ZPLD1: variants seen among roughly 807,000 people sequenced by gnomAD.
The protein encoded by ZPLD1 is zona pellucida-like domain-containing protein 1.
ZPLD1 carries 34 observed loss-of-function variants against 47.2 expected under a neutral mutation model. That is an observed-to-expected ratio of 0.72 (90% CI 0.55 to 0.96). ZPLD1 has a LOEUF of 0.96. Ranked by LOEUF, ZPLD1 falls within the 40% of genes least tolerant of loss-of-function variation. The pLI, the probability that ZPLD1 is intolerant of heterozygous loss-of-function variation, is 0.00. For missense variants in ZPLD1, 512 were observed against 505.8 expected (o/e 1.01, Z -0.12); for synonymous variants, 176 against 186.2 (o/e 0.95, Z 0.45).
chr3:102,467,289 G>C (rs2107351523), intron 8 of ZPLD1, among the ~76,000 whole-genome samples: 1 of 152,040 alleles, frequency 6.6e-6, no homozygotes, highest in East Asian at 1.9e-4. Context: ...AGAAAAAGTT[G>C]GTTCCTTGAA....
intron 10 of ZPLD1, among the ~76,000 whole-genome samples, chr3:102,476,546 G>A (rs1296807801): frequency 2.6e-5 from 4 of 152,012 alleles, no homozygotes; most frequent in Non-Finnish European, 4.4e-5. Context: ...TGCAGATTAC[G>A]TTGGGCAAAT....
chr3:102,463,846 TGGTTAACCC>T lies in ZPLD1; in HGVS notation c.681-321_681-313del. ...CGAGGTCAAGAGATTGAGACCATCC[TGGTTAACCC>T]GGTGAAACCCCGTCTCTATTAAAAA... On this transcript the variant is annotated intron_variant, in intron 7 of 11. Transcript: ENST00000466937. 2.1e-5 allele frequency among the ~76,000 whole-genome samples: 3 copies of T among 145,506 alleles called. No homozygotes were observed. The Admixed American group carries it at 2.1e-4, about 10-fold the overall frequency.
intron 3 of ZPLD1, among the ~76,000 whole-genome samples, chr3:102,448,827 TAAG>T (rs1707295858): frequency 6.6e-6 from 1 of 152,218 alleles, no homozygotes; most frequent in African/African-American, 2.4e-5. Flanking sequence ...TGGTTTATGT[TAAG>T]AAGAATGATA....
intron 7 of ZPLD1, among the ~76,000 whole-genome samples, chr3:102,415,119 G>A (rs1044745937): frequency 6.6e-6 from 1 of 151,676 alleles, no homozygotes; most frequent in Non-Finnish European, 1.5e-5. Context: ...CTTATAATTC[G>A]TCTACAATGC....
chr3:102,442,000 C>T (rs1488488040), intron 3 of ZPLD1, among the ~76,000 whole-genome samples: 1 of 152,096 alleles, frequency 6.6e-6, no homozygotes, highest in African/African-American at 2.4e-5. Flanking sequence ...CTACCATCTC[C>T]CTTGATGTTT....
At chr3:102,442,222 T>G (rs1028195520) in intron 3 of ZPLD1, among the ~76,000 whole-genome samples, 9 of 152,036 alleles carry the variant, frequency 5.9e-5, no homozygotes, top group African/African-American at 2.2e-4. Context: ...TTTGTTTGTA[T>G]TTTTTCTTAC....
At chr3:102,405,530 G>T (rs571235053) in intron 7 of ZPLD1, among the ~76,000 whole-genome samples, 36 of 152,094 alleles carry the variant, frequency 2.4e-4, no homozygotes, top group Middle Eastern at 3.4e-3. Context: ...CCTAAAATTT[G>T]GGAGGAACAG....
chr3:102,407,002 A>G (rs1706695309), intron 7 of ZPLD1, among the ~76,000 whole-genome samples: 1 of 151,878 alleles, frequency 6.6e-6, no homozygotes, highest in Non-Finnish European at 1.5e-5. Flanking sequence ...CAAGTGGATG[A>G]TGCTTAACAA....
At chr3:102,393,226 A>T (rs1444684290) in intron 7 of ZPLD1, among the ~76,000 whole-genome samples, 2 of 152,180 alleles carry the variant, frequency 1.3e-5, no homozygotes. Flanking sequence ...TGAATTGGTT[A>T]AATTTTAAGA....
intron 7 of ZPLD1, among the ~76,000 whole-genome samples, chr3:102,407,440 T>TATATATAC (rs1559742255): frequency 1.0e-5 from 1 of 96,430 alleles, no homozygotes; most frequent in Non-Finnish European, 2.2e-5. Flanking sequence ...TATATATATA[T>TATATATAC]ATACACACAT....
chr3:102,410,728 G>A (rs1429482430), intron 7 of ZPLD1, among the ~76,000 whole-genome samples: 4 of 151,714 alleles, frequency 2.6e-5, no homozygotes, highest in African/African-American at 7.3e-5. Context: ...GAGAGTTGCT[G>A]TTTGGCACCT....
At chr3:102,407,859 C>G (rs1706708258) in intron 7 of ZPLD1, among the ~76,000 whole-genome samples, 1 of 151,668 alleles carries the variant, frequency 6.6e-6, no homozygotes, top group African/African-American at 2.4e-5. Context: ...GCTGTTTTTC[C>G]TATCCTCCAG....
At chr3:102,477,147 A>T (rs1255599118) in intron 11 of ZPLD1, 106 bp downstream of exon 11, 2 of 1,285,134 alleles carry the variant, frequency 1.6e-6, no homozygotes, top group Non-Finnish European at 2.2e-6. Context: ...AGTTTGGTCC[A>T]TTTTAGATAA....
chr3:102,411,165 A>T (rs2107299039), intron 7 of ZPLD1, among the ~76,000 whole-genome samples: 1 of 151,926 alleles, frequency 6.6e-6, no homozygotes, highest in Non-Finnish European at 1.5e-5. Context: ...TTAAATAGAC[A>T]AAGTATTTAA....
chr3:102,411,047 C>G (rs1706742902), intron 7 of ZPLD1, among the ~76,000 whole-genome samples: 1 of 151,736 alleles, frequency 6.6e-6, no homozygotes, highest in South Asian at 2.1e-4. Flanking sequence ...AGAATTGTGT[C>G]TGCTTGCAAA....
chr3:102,432,761 G>A (rs983248491), upstream of ZPLD1, among the ~76,000 whole-genome samples: 2 of 151,792 alleles, frequency 1.3e-5, no homozygotes, highest in Admixed American at 6.6e-5. Flanking sequence ...TGTGCACTAG[G>A]AAAGTCTATT....
intron 7 of ZPLD1, among the ~76,000 whole-genome samples, chr3:102,408,344 G>A (rs1294379105): frequency 6.6e-6 from 1 of 151,848 alleles, no homozygotes; most frequent in Non-Finnish European, 1.5e-5. Flanking sequence ...GCCCAACCCT[G>A]TAGTTGCCAT....
chr3:102,394,974 A>T (rs1413740743), intron 7 of ZPLD1, among the ~76,000 whole-genome samples: 3 of 152,200 alleles, frequency 2.0e-5, no homozygotes, highest in Non-Finnish European at 4.4e-5. Flanking sequence ...CACAGCAGCA[A>T]AAATATACAT....
chr3:102,445,696 A>G (rs1707246083), intron 3 of ZPLD1, among the ~76,000 whole-genome samples: 1 of 152,190 alleles, frequency 6.6e-6, no homozygotes, highest in African/African-American at 2.4e-5. Flanking sequence ...GGTACCCATG[A>G]TAGTCTGCTA....
Sources: allele counts gnomAD v4.1 joint callset (sites outside exome capture counted in the v4.1 genomes callset), GRCh38; gene constraint gnomAD v4.1.1; transcripts MANE v1.5; gene names NCBI Gene and HGNC (gene_info 2026-07-23, HGNC 2026-07-21).